EEFSEC: variants seen among roughly 807,000 people sequenced by gnomAD.
EEFSEC encodes the protein selenocysteine-specific elongation factor.
In EEFSEC, 43 loss-of-function variants were observed where a neutral mutation model predicts 42.1. That is an observed-to-expected ratio of 1.02 (90% CI 0.80 to 1.32). EEFSEC has a LOEUF of 1.32. Among genes scored for constraint, EEFSEC ranks in the 40% most tolerant of loss-of-function variants. The pLI is 0.00. For missense variants in EEFSEC, 745 were observed against 803.6 expected (o/e 0.93, Z 0.88); for synonymous variants, 354 against 339.1 (o/e 1.04, Z -0.48).
rs567069240 is a variant in EEFSEC, at chr3:128,248,620, A to G, written c.524+1577A>G. On this transcript the variant is annotated intron_variant, in intron 2 of 6. Transcript: ENST00000254730. ...TATCTTCTTTTTAGTGAGTTATTTG[A>G]TCTCCCTGTCGTTTTATTTACTTGT... is the stretch of plus-strand genomic sequence containing the variant. Among the ~76,000 whole-genome samples, 9 of 152,216 alleles carry G rather than the reference A, an allele frequency of 5.9e-5. No individual in the cohort carries two copies. The South Asian group carries it at 1.5e-3, about 25-fold the overall frequency.
intron 3 of EEFSEC, among the ~76,000 whole-genome samples, chr3:128,262,576 T>TTCCAGTCC (rs1345544261): frequency 6.6e-6 from 1 of 152,188 alleles, no homozygotes; most frequent in Non-Finnish European, 1.5e-5. Flanking sequence ...GTGACATCCA[T>TTCCAGTCC]TCCAGTCCTT....
At chr3:128,295,016 G>T (rs1475271161) in intron 4 of EEFSEC, among the ~76,000 whole-genome samples, 1 of 152,212 alleles carries the variant, frequency 6.6e-6, no homozygotes, top group Non-Finnish European at 1.5e-5. Flanking sequence ...GCCAGCCACA[G>T]ACCAGCATGG....
chr3:128,313,733 C>G (rs1401449890), intron 4 of EEFSEC, among the ~76,000 whole-genome samples: 1 of 152,204 alleles, frequency 6.6e-6, no homozygotes, highest in Non-Finnish European at 1.5e-5. Flanking sequence ...TGTGAGAAGG[C>G]CCCTCATGTG....
intron 1 of EEFSEC, among the ~76,000 whole-genome samples, chr3:128,177,714 G>A (rs2065365568): frequency 6.6e-6 from 1 of 152,040 alleles, no homozygotes. Context: ...GTTTTGTTGC[G>A]GCATAGATTG....
At chr3:128,161,879 C>T (rs1459155271) in intron 1 of EEFSEC, among the ~76,000 whole-genome samples, 2 of 152,074 alleles carry the variant, frequency 1.3e-5, no homozygotes, top group African/African-American at 4.8e-5. Context: ...TGCACATATC[C>T]CCGGAAAGCA....
chr3:128,265,810 C>T (rs1422838294), intron 4 of EEFSEC, among the ~76,000 whole-genome samples: 2 of 152,078 alleles, frequency 1.3e-5, no homozygotes, highest in Non-Finnish European at 2.9e-5. Flanking sequence ...ATGGGAGATA[C>T]AGATATCTAG....
chr3:128,198,214 A>G (rs1334228497), intron 1 of EEFSEC, among the ~76,000 whole-genome samples: 7 of 152,220 alleles, frequency 4.6e-5, no homozygotes, highest in Non-Finnish European at 1.0e-4. Context: ...GAACTTTGCC[A>G]AAACTATTTT....
At chr3:128,260,769 A>AT (rs1311731272) in intron 2 of EEFSEC, among the ~76,000 whole-genome samples, 2 of 152,242 alleles carry the variant, frequency 1.3e-5, no homozygotes, top group African/African-American at 4.8e-5. Context: ...CTCTTCTTGA[A>AT]TAAACACTCC....
intron 5 of EEFSEC, among the ~76,000 whole-genome samples, chr3:128,351,584 C>A (rs961637277): frequency 6.6e-6 from 1 of 152,216 alleles, no homozygotes; most frequent in Non-Finnish European, 1.5e-5. Context: ...CGTATCACTT[C>A]TACAATTTGA....
downstream of EEFSEC, among the ~76,000 whole-genome samples, chr3:128,410,110 C>T (rs2107644182): frequency 6.6e-6 from 1 of 152,320 alleles, no homozygotes; most frequent in East Asian, 1.9e-4. Flanking sequence ...CTTGCCAGTG[C>T]TGTCCAGGCT....
At chr3:128,336,491 G>T (rs2067190986) in intron 4 of EEFSEC, among the ~76,000 whole-genome samples, 1 of 152,092 alleles carries the variant, frequency 6.6e-6, no homozygotes, top group Admixed American at 6.6e-5. Flanking sequence ...CATGGCAATG[G>T]TGGCTGGCCC....
At chr3:128,254,705 G>A (rs1432513637) in intron 2 of EEFSEC, among the ~76,000 whole-genome samples, 1 of 152,146 alleles carries the variant, frequency 6.6e-6, no homozygotes, top group East Asian at 1.9e-4. Context: ...GGAGACTGGA[G>A]CAGATCCCAG....
chr3:128,270,394 G>A (rs2066401598), intron 4 of EEFSEC, among the ~76,000 whole-genome samples: 1 of 152,136 alleles, frequency 6.6e-6, no homozygotes, highest in Non-Finnish European at 1.5e-5. Context: ...TCCAATCAAT[G>A]TTCTGATAAT....
intron 1 of EEFSEC, among the ~76,000 whole-genome samples, chr3:128,219,224 GC>G (rs972876267): frequency 2.6e-5 from 4 of 152,220 alleles, no homozygotes; most frequent in African/African-American, 7.2e-5. Context: ...GGCAGCAACT[GC>G]CCTCTGGCCT....
At chr3:128,239,959 C>T (rs1343560588) in intron 1 of EEFSEC, among the ~76,000 whole-genome samples, 6 of 152,188 alleles carry the variant, frequency 3.9e-5, no homozygotes, top group South Asian at 2.1e-4. Flanking sequence ...CTCCTGCAGT[C>T]GATGGAGTAA....
At chr3:128,312,600 C>T (rs576635428) in intron 4 of EEFSEC, among the ~76,000 whole-genome samples, 163 of 152,324 alleles carry the variant, frequency 1.1e-3, no homozygotes, top group South Asian at 2.5e-3. Flanking sequence ...GGAATGTTCC[C>T]GCTAATGAGA....
At chr3:128,309,463 C>T (rs961391661) in intron 4 of EEFSEC, among the ~76,000 whole-genome samples, 3 of 152,194 alleles carry the variant, frequency 2.0e-5, no homozygotes, top group Admixed American at 6.5e-5. Context: ...GTCTGCTGAA[C>T]GCTTACTGGG....
At chr3:128,177,289 A>G (rs1334409022) in intron 1 of EEFSEC, among the ~76,000 whole-genome samples, 1 of 152,172 alleles carries the variant, frequency 6.6e-6, no homozygotes, top group Non-Finnish European at 1.5e-5. Flanking sequence ...GGTCTGAGCC[A>G]GGCCTATGTG....
Position 128,408,055 on chromosome 3 carries a change from T to C in EEFSEC, c.1601-14T>C, listed in dbSNP as rs774929041. ...GGTACGGCAGAGTGACAGGCTCTCT[T>C]CTGTGCCTTGCAGGTGGCCTCAGCC... On this transcript the variant is annotated splice_polypyrimidine_tract_variant and intron_variant, in intron 6 of 6. Coordinates refer to ENST00000254730, the MANE Select transcript of EEFSEC (RefSeq NM_021937.5). 1.2e-5 allele frequency: 18 copies of C among 1,538,202 alleles called. No homozygotes were observed. Among genetic ancestry groups the C allele is most frequent in the Middle Eastern group, 2.1e-4 (1 of 4,760 alleles).
Sources: gnomAD v4.1 joint callset for allele counts (sites outside exome capture counted in the v4.1 genomes callset) on GRCh38, gnomAD v4.1.1 for gene constraint, MANE v1.5 for transcripts, NCBI Gene and HGNC (gene_info 2026-07-23, HGNC 2026-07-21) for gene names.